DACH1: variants seen among roughly 807,000 people sequenced by gnomAD.
DACH1 encodes dachshund homolog 1.
DACH1 carries 12 observed loss-of-function variants against 54.2 expected under a neutral mutation model. The ratio of observed to expected loss-of-function variants is 0.22; its 90% confidence interval spans 0.14 to 0.36. The LOEUF is 0.36. Ranked by LOEUF, DACH1 falls within the 10% of genes least tolerant of loss-of-function variation. The pLI is 1.00. For synonymous variants in DACH1, 386 were observed against 366.2 expected, an observed-to-expected ratio of 1.05 and a Z score of -0.62; for missense variants, 805 against 929.8, an observed-to-expected ratio of 0.87 and a Z score of 1.75.
intron 10 of DACH1, among the ~76,000 whole-genome samples, chr13:71,442,842 A>C (rs1000067400): frequency 6.6e-6 from 1 of 151,986 alleles, no homozygotes; most frequent in African/African-American, 2.4e-5. Flanking sequence ...TAAGTTATGT[A>C]AATGTAGCCT....
chr13:71,577,225 C>A (rs1338997810), intron 3 of DACH1, among the ~76,000 whole-genome samples: 4 of 152,090 alleles, frequency 2.6e-5, no homozygotes, highest in African/African-American at 9.7e-5. Context: ...TCTTTACCAC[C>A]ACCTCCAACC....
At chr13:71,450,331 T>C (rs754821589) in intron 10 of DACH1, among the ~76,000 whole-genome samples, 1 of 152,140 alleles carries the variant, frequency 6.6e-6, no homozygotes, top group African/African-American at 2.4e-5. Context: ...TATACCTGTT[T>C]TGGTGATCTG....
chr13:71,703,924 C>T (rs1390986449), intron 1 of DACH1, among the ~76,000 whole-genome samples: 2 of 151,970 alleles, frequency 1.3e-5, no homozygotes, highest in Non-Finnish European at 2.9e-5. Context: ...ACCGTCTGTC[C>T]AAGTATGGAG....
intron 1 of DACH1, among the ~76,000 whole-genome samples, chr13:71,697,549 T>A (rs1232447946): frequency 6.6e-6 from 1 of 152,228 alleles, no homozygotes; most frequent in African/African-American, 2.4e-5. Context: ...TCTATAGAGC[T>A]TGAAATTATC....
At chr13:71,666,852 T>C (rs926302810) in intron 2 of DACH1, among the ~76,000 whole-genome samples, 3 of 152,124 alleles carry the variant, frequency 2.0e-5, no homozygotes, top group Admixed American at 1.3e-4. Context: ...TGTGGTGGTG[T>C]GTGCCTGTAA....
intron 1 of DACH1, among the ~76,000 whole-genome samples, chr13:71,732,018 C>T (rs1883773352): frequency 6.6e-6 from 1 of 152,142 alleles, no homozygotes; most frequent in Admixed American, 6.5e-5. Flanking sequence ...ATCCTTTCAA[C>T]GAAGATCATA....
chr13:71,606,877 G>C (rs755864883), intron 3 of DACH1, among the ~76,000 whole-genome samples: 1 of 151,984 alleles, frequency 6.6e-6, no homozygotes, highest in Non-Finnish European at 1.5e-5. Context: ...TGTATGATGA[G>C]AATGATCTAG....
At chr13:71,560,241 A>G (rs1884503845) in intron 4 of DACH1, among the ~76,000 whole-genome samples, 1 of 152,200 alleles carries the variant, frequency 6.6e-6, no homozygotes, top group South Asian at 2.1e-4. Flanking sequence ...ACGCCCAAAA[A>G]TAAACAAATA....
At chr13:71,441,358 A>G (rs1873991601) in intron 10 of DACH1, among the ~76,000 whole-genome samples, 1 of 152,116 alleles carries the variant, frequency 6.6e-6, no homozygotes. Context: ...GAATAAATCC[A>G]TTTGAATGAA....
rs1255551601 is a variant in DACH1 at position 71,746,698 on chromosome 13, T to C, written c.849-64788A>G. Among the ~76,000 whole-genome samples the C allele has an allele frequency of 3.3e-5, 5 of 152,280 alleles. No individual in the cohort carries two copies. The South Asian group carries it at 1.0e-3, about 32-fold the overall frequency. On this transcript the variant is annotated intron_variant, in intron 1 of 10. Coordinates refer to ENST00000613252, the MANE Select transcript of DACH1 (RefSeq NM_080759.6). ...CAGTATCTGCAGGCTACCTGTGTTA[T>C]CTAATCAAGCTTATGAGCTACTGGT...
chr13:71,741,617 AT>A (rs1034714279), intron 1 of DACH1, among the ~76,000 whole-genome samples: 67 of 152,294 alleles, frequency 4.4e-4, no homozygotes, highest in Admixed American at 1.3e-3. Context: ...AAGAGAGATT[AT>A]TTTTTATGCT....
At chr13:71,484,593 G>A (rs1186813144) in intron 7 of DACH1, among the ~76,000 whole-genome samples, 3 of 152,108 alleles carry the variant, frequency 2.0e-5, no homozygotes, top group Non-Finnish European at 2.9e-5. Flanking sequence ...TATCTTCAAT[G>A]CTAACCTCAC....
chr13:71,699,792 ATAAC>A (rs1199287448), intron 1 of DACH1, among the ~76,000 whole-genome samples: 1 of 152,240 alleles, frequency 6.6e-6, no homozygotes, highest in Non-Finnish European at 1.5e-5. Flanking sequence ...ATAGGAACGC[ATAAC>A]TAACAAAGAA....
At chr13:71,545,381 A>G (rs545686112) in intron 6 of DACH1, among the ~76,000 whole-genome samples, 39 of 152,240 alleles carry the variant, frequency 2.6e-4, no homozygotes, top group African/African-American at 9.1e-4. Context: ...AACAATCATG[A>G]TAAATAATAA....
At chr13:71,608,061 A>G (rs1206416962) in intron 3 of DACH1, among the ~76,000 whole-genome samples, 3 of 116,080 alleles carry the variant, frequency 2.6e-5, no homozygotes, top group African/African-American at 6.3e-5. Context: ...TACAATGTGT[A>G]TATATATATA....
chr13:71,534,700 G>GA (rs1159349798), intron 6 of DACH1, among the ~76,000 whole-genome samples: 3 of 151,528 alleles, frequency 2.0e-5, no homozygotes, highest in South Asian at 4.2e-4. Flanking sequence ...GATGTGTGGA[G>GA]AAAAAAATGA....
chr13:71,865,434 C>A (rs1274609048), intron 1 of DACH1, among the ~76,000 whole-genome samples: 2 of 152,114 alleles, frequency 1.3e-5, no homozygotes, highest in Middle Eastern at 3.2e-3. Flanking sequence ...GAGCAGGTCA[C>A]GACCTCCCCC....
chr13:71,559,749 A>C (rs1304590213), intron 5 of DACH1, 71 bp downstream of exon 5: 1 of 1,580,770 alleles, frequency 6.3e-7, no homozygotes, highest in Non-Finnish European at 8.7e-7. Context: ...GAATGAGGGC[A>C]TGTTGATTAG....
At chr13:71,704,162 C>T (rs865977451) in intron 1 of DACH1, 39 of 200,220 alleles carry the variant, frequency 1.9e-4, no homozygotes, top group African/African-American at 9.0e-4. Flanking sequence ...GACCCGCCAT[C>T]TTCCAGTAAT....
Sources: gnomAD v4.1 joint callset for allele counts (sites outside exome capture counted in the v4.1 genomes callset) on GRCh38, gnomAD v4.1.1 for gene constraint, MANE v1.5 for transcripts, NCBI Gene and HGNC (gene_info 2026-07-23, HGNC 2026-07-21) for gene names.